The following CDK12 variants were observed in gnomAD, a reference collection of about 807,000 sequenced individuals.
CDK12 encodes cyclin dependent kinase 12, also known as cyclin-dependent kinase 12.
Under a neutral mutation model 133.8 loss-of-function variants are expected in CDK12, and 17 were observed. The observed-to-expected ratio is 0.13, with a 90% CI of 0.09 to 0.19. The LOEUF is 0.19. Among genes scored for constraint, CDK12 ranks in the 10% least tolerant of loss-of-function variants. The probability of loss-of-function intolerance (pLI) is 1.00; values close to 1 mark genes in which losing one functional copy is unlikely to be tolerated. For missense variants in CDK12, 1,508 were observed against 1,818.7 expected (o/e 0.83, Z 3.11); for synonymous variants, 694 against 683.6 (o/e 1.02, Z -0.24).
At chr17:39,493,512 T>C (rs894680416) in intron 4 of CDK12, among the ~76,000 whole-genome samples, 2 of 150,452 alleles carry the variant, frequency 1.3e-5, no homozygotes, top group African/African-American at 4.9e-5. Flanking sequence ...TTTTACCATG[T>C]TGGCCAGGCA....
chr17:39,558,334 TAG>T (rs1050179466), intron 3 of CDK12, among the ~76,000 whole-genome samples: 2 of 152,138 alleles, frequency 1.3e-5, no homozygotes, highest in Non-Finnish European at 2.9e-5. Context: ...GGGGGAGAGA[TAG>T]TCATTAGAAG....
Position 39,471,128 on chromosome 17 carries a change from C to T in CDK12, c.1296C>T (p.Asn432=), listed in dbSNP as rs758251763. 5 of 1,605,624 alleles carry T rather than the reference C, an allele frequency of 3.1e-6. No individual in the cohort carries two copies. The South Asian group carries it at 4.5e-5, about 14-fold the overall frequency. Residue 432 remains asparagine, a synonymous_variant, in exon 2 of 14, where the codon AAC becomes AAT. Transcript: ENST00000447079. ...CTGTATTTTTGCCTAGAAAAGAGAA[C>T]AGTTCAGTAGAGGCTAAGGATTCAG... The part of the protein sequence containing the change: ...GSPVFLPRKE[N]SSVEAKDSGL...
rs896130507 is a variant in CDK12 at position 39,490,446 on chromosome 17, TA to T, written c.1932-106del. 1.0e-5 allele frequency: 7 copies of T among 675,494 alleles called. No individual in the cohort carries two copies. The African/African-American group carries it at 1.1e-4, about 10-fold the overall frequency. The allele number at this position is 675,494 out of a possible 1,614,324, so 41.8% of individuals were successfully genotyped here. A position where few individuals can be genotyped will look rare whatever the true frequency, so the allele number is the denominator to read the frequency against. ...ATGTTATAGTACAGGTTTTTTTCCTTAAAAATTAGATCTTTCTAACCTTTTC... is the reference window on the plus strand; with the variant it reads ...ATGTTATAGTACAGGTTTTTTTCCTTAAAATTAGATCTTTCTAACCTTTTC... On this transcript the variant is annotated intron_variant, in intron 2 of 13. Transcript: ENST00000447079.
intron 2 of CDK12, among the ~76,000 whole-genome samples, chr17:39,473,884 C>CAA (rs77692428): frequency 7.3e-6 from 1 of 137,192 alleles, no homozygotes; most frequent in Non-Finnish European, 1.6e-5. Context: ...GACTCCGTCT[C>CAA]AAAAAAAAAA....
chr17:39,483,206 C>T (rs2050859951), intron 2 of CDK12, among the ~76,000 whole-genome samples: 1 of 152,054 alleles, frequency 6.6e-6, no homozygotes, highest in Admixed American at 6.6e-5. Flanking sequence ...AGCCACCTCG[C>T]CCTGGCTCAA....
intron 2 of CDK12, among the ~76,000 whole-genome samples, chr17:39,489,780 C>A (rs2051433395): frequency 6.8e-6 from 1 of 147,782 alleles, no homozygotes; most frequent in Non-Finnish European, 1.5e-5. Flanking sequence ...GCTTGAGCCA[C>A]CGTGCCTGGC....
At chr17:39,522,946 A>G (rs946268007) in intron 11 of CDK12, among the ~76,000 whole-genome samples, 11 of 151,902 alleles carry the variant, frequency 7.2e-5, no homozygotes, top group Non-Finnish European at 1.5e-4. Context: ...CTGGCTACTC[A>G]GGAGGCTGAG....
chr17:39,471,955 A>G (rs2049828562), intron 2 of CDK12, among the ~76,000 whole-genome samples, 192 bp downstream of exon 2: 1 of 152,106 alleles, frequency 6.6e-6, no homozygotes, highest in African/African-American at 2.4e-5. Flanking sequence ...TGGTTAACCC[A>G]TTTTATCATT....
chr17:39,538,904 A>AATACATACATACATACGTAC (rs1555582810), downstream of CDK12, among the ~76,000 whole-genome samples: 3 of 144,886 alleles, frequency 2.1e-5, no homozygotes, highest in African/African-American at 7.9e-5. Context: ...ATCTCAAATA[A>AATACATACATACATACGTAC]ATACATACAT....
chr17:39,499,211 T>TCTTTCTTTCTTTCTTTCTTTC (rs1280503542), intron 5 of CDK12, among the ~76,000 whole-genome samples: 2 of 86,270 alleles, frequency 2.3e-5, no homozygotes, highest in Non-Finnish European at 4.4e-5. Flanking sequence ...TTCTTTCCTT[T>TCTTTCTTTCTTTCTTTCTTTC]TTTTTTTTTT....
chr17:39,531,268 T>G lies in CDK12; in HGVS notation c.4425T>G (p.Pro1475=). 1 of 1,503,956 alleles carries G rather than the reference T, an allele frequency of 6.6e-7. No individual in the cohort carries two copies. Among genetic ancestry groups the G allele is most frequent in the Non-Finnish European group, 8.9e-7 (1 of 1,129,590 alleles). 93.2% of individuals were successfully genotyped at this position (1,503,956 alleles called of 1,614,324 possible). ...SSAYGKLYRG[P]TRVPPRGGRG... ...CTTATGGAAAACTCTATCGGGGGCC[T>G]ACAAGAGTCCCACCAAGAGGGGGAA... is the stretch of plus-strand genomic sequence containing the variant. Residue 1475 remains proline, a synonymous_variant, in exon 14 of 14, where the codon CCT becomes CCG. Transcript: ENST00000447079.
chr17:39,544,925 A>G (rs1216865294), upstream of CDK12, among the ~76,000 whole-genome samples: 1 of 152,050 alleles, frequency 6.6e-6, no homozygotes, highest in Non-Finnish European at 1.5e-5. Context: ...CCACCGCACC[A>G]GGCTAACAGG....
chr17:39,470,219 C>T (rs1281220240), intron 1 of CDK12, among the ~76,000 whole-genome samples: 1 of 151,426 alleles, frequency 6.6e-6, no homozygotes, highest in Non-Finnish European at 1.5e-5. Flanking sequence ...CTCCCAGGTT[C>T]ATGCCATTCT....
chr17:39,531,663 A>G lies in CDK12; in HGVS notation c.*347A>G. ...GGAAGAGAGAAAGAACAGTTTCAGT[A>G]TTGAGATGGCTCAGGAGAGGCTCTT... On this transcript the variant is annotated 3_prime_UTR_variant, in exon 14 of 14. Coordinates refer to ENST00000447079, the MANE Select transcript of CDK12 (RefSeq NM_016507.4). 3.8e-6 allele frequency: 1 copy of G among 260,908 alleles called. No homozygotes were observed. The highest frequency in any genetic ancestry group is 1.7e-4 in the South Asian group (1 of 5,766). The allele number at this position is 260,908 out of a possible 1,614,324, so 16.2% of individuals were successfully genotyped here.
chr17:39,489,362 G>C (rs2051395639), intron 2 of CDK12, among the ~76,000 whole-genome samples: 1 of 151,892 alleles, frequency 6.6e-6, no homozygotes, highest in South Asian at 2.1e-4. Flanking sequence ...GAGCCACCGT[G>C]CCTGGCCAGT....
At chr17:39,477,635 C>G (rs2050319294) in intron 2 of CDK12, among the ~76,000 whole-genome samples, 1 of 149,854 alleles carries the variant, frequency 6.7e-6, no homozygotes, top group African/African-American at 2.5e-5. Context: ...TGCAGTGGCT[C>G]GATCTTGGCT....
At chr17:39,485,338 C>A (rs987224665) in intron 2 of CDK12, among the ~76,000 whole-genome samples, 1 of 150,898 alleles carries the variant, frequency 6.6e-6, no homozygotes, top group Admixed American at 6.6e-5. Context: ...GTGATCCCAG[C>A]ACTTTAGGAG....
rs1376424345 is a variant in CDK12, at chr17:39,471,747, G to C, written c.1915G>C (p.Asp639His). The part of the protein sequence containing the change: ...PLPLPPLLPG[D>H]DDMDSPKETL... ...GCCCCTCCCACCCTTATTACCTGGA[G>C]ATGATGACATGGATAGGTAAGTCCT... The change falls in exon 2 of 14, where the codon GAT becomes CAT. Residue 639 changes from aspartate to histidine, a missense_variant. This residue lies in a region of CDK12 where 347 missense variants were observed against 330.8 expected (regional missense o/e 1.05). Transcript: ENST00000447079. The C allele has an allele frequency of 6.2e-7, 1 of 1,612,236 alleles. No homozygotes were observed. Among genetic ancestry groups the C allele is most frequent in the Admixed American group, 1.7e-5 (1 of 59,810 alleles).
chr17:39,508,635 G>A (rs1047484320), intron 6 of CDK12, among the ~76,000 whole-genome samples: 2 of 151,894 alleles, frequency 1.3e-5, no homozygotes, highest in South Asian at 2.1e-4. Context: ...ATTTACCTAC[G>A]TAACAAACCT....
Sources: gnomAD v4.1 joint callset for allele counts (sites outside exome capture counted in the v4.1 genomes callset) on GRCh38, gnomAD v4.1.1 for gene constraint, gnomAD v4.1.1 regional missense constraint, MANE v1.5 for transcripts, NCBI Gene and HGNC (gene_info 2026-07-23, HGNC 2026-07-21) for gene names.